OPRM1: variants seen among roughly 807,000 people sequenced by gnomAD.
OPRM1 encodes opioid receptor mu 1, also known as mu-type opioid receptor.
OPRM1 carries 27 observed loss-of-function variants against 31.8 expected under a neutral mutation model. The ratio of observed to expected loss-of-function variants is 0.85; its 90% confidence interval spans 0.63 to 1.17. The LOEUF (loss-of-function observed/expected upper bound fraction) is 1.17, where lower values mean the gene tolerates loss of function less well. Ranked by LOEUF, OPRM1 falls within the 50% of genes most tolerant of loss-of-function variation. OPRM1 has a pLI of 0.00. For synonymous variants in OPRM1, 196 were observed against 189.9 expected, an observed-to-expected ratio of 1.03 and a Z score of -0.26; for missense variants, 536 against 511.1, an observed-to-expected ratio of 1.05 and a Z score of -0.47.
intron 3 of OPRM1, among the ~76,000 whole-genome samples, chr6:154,113,805 G>A (rs936796222): frequency 6.6e-6 from 1 of 152,316 alleles, no homozygotes; most frequent in Middle Eastern, 3.4e-3. Context: ...GCTGCTGCTT[G>A]TCTCTGATGG....
chr6:154,229,525 A>AT (rs369132657), intron 3 of OPRM1, among the ~76,000 whole-genome samples: 11,588 of 140,978 alleles, frequency 0.082, 918 homozygotes, highest in East Asian at 0.44. Context: ...CATTTTTTGT[A>AT]TTTTTTTTTT....
intron 3 of OPRM1, chr6:154,159,882 G>C: frequency 3.1e-6 from 5 of 1,613,170 alleles, no homozygotes; most frequent in South Asian, 1.1e-5. Context: ...GTTCCTGGGG[G>C]GTGTCATCAG....
chr6:154,166,966 C>T (rs1799489367), intron 3 of OPRM1, among the ~76,000 whole-genome samples: 2 of 152,188 alleles, frequency 1.3e-5, no homozygotes, highest in South Asian at 4.2e-4. Context: ...CTTTCTTTTT[C>T]CATTCTGGCC....
intron 3 of OPRM1, among the ~76,000 whole-genome samples, chr6:154,150,253 T>C (rs1798464172): frequency 6.6e-6 from 1 of 152,244 alleles, no homozygotes; most frequent in Non-Finnish European, 1.5e-5. Context: ...ACAACAGGGA[T>C]GGTATATTAA....
rs17181310 is a variant in OPRM1, at chr6:154,117,203, A to G, written c.1165-1480A>G. 9.0e-3 allele frequency among the ~76,000 whole-genome samples: 1,366 copies of G among 152,310 alleles called. 22 individuals are homozygous for G. Among genetic ancestry groups the G allele is most frequent in the African/African-American group, 0.031 (1,293 of 41,552 alleles). On this transcript the variant is annotated intron_variant, in intron 3 of 3. Transcript: ENST00000330432. ...CCCAGGGAGTTCACAAATGTCCCTG[A>G]ATCCAGCTTATGAGTTCTTGCCTTT...
intron 3 of OPRM1, among the ~76,000 whole-genome samples, chr6:154,162,474 G>A (rs1214578486): frequency 1.3e-5 from 2 of 152,178 alleles, no homozygotes; most frequent in East Asian, 3.8e-4. Flanking sequence ...TTAAATCAAT[G>A]TTAAACCAAT....
chr6:154,177,431 C>G (rs745325651), intron 3 of OPRM1, among the ~76,000 whole-genome samples: 1 of 152,052 alleles, frequency 6.6e-6, no homozygotes, highest in Non-Finnish European at 1.5e-5. Flanking sequence ...AGAACATAAA[C>G]AAATTTATAA....
chr6:154,244,872 C>T (rs1423625850), intron 3 of OPRM1, among the ~76,000 whole-genome samples: 4 of 152,192 alleles, frequency 2.6e-5, no homozygotes, highest in East Asian at 1.9e-4. Flanking sequence ...GCTCCATCAG[C>T]GTCCAATCTT....
intron 3 of OPRM1, chr6:154,157,357 AT>A (rs1394179900): frequency 1.3e-5 from 2 of 152,312 alleles, no homozygotes; most frequent in Admixed American, 1.3e-4. Context: ...TGAGCAGGCA[AT>A]GGGGCTCCAG....
intron 3 of OPRM1, among the ~76,000 whole-genome samples, chr6:154,143,564 T>C (rs774013708): frequency 1.3e-5 from 2 of 152,216 alleles, no homozygotes; most frequent in African/African-American, 2.4e-5. Context: ...GAAAGGAGTT[T>C]GGAGACAGAT....
intron 3 of OPRM1, among the ~76,000 whole-genome samples, chr6:154,105,464 A>G (rs564325860): frequency 6.6e-6 from 1 of 152,310 alleles, no homozygotes; most frequent in East Asian, 1.9e-4. Flanking sequence ...CTCTATTCTA[A>G]TGTTACAATT....
chr6:154,049,749 A>C (rs1473889130), intron 1 of OPRM1, among the ~76,000 whole-genome samples: 1 of 152,122 alleles, frequency 6.6e-6, no homozygotes, highest in African/African-American at 2.4e-5. Flanking sequence ...CATATAACTC[A>C]CTCATGAGTC....
intron 1 of OPRM1, among the ~76,000 whole-genome samples, chr6:154,067,166 T>G (rs982287254): frequency 5.9e-5 from 9 of 151,998 alleles, no homozygotes; most frequent in Non-Finnish European, 1.0e-4. Context: ...AGTTTCTATT[T>G]CATTTATCTC....
intron 3 of OPRM1, among the ~76,000 whole-genome samples, chr6:154,118,177 G>A (rs572581052): frequency 6.6e-6 from 1 of 152,110 alleles, no homozygotes; most frequent in African/African-American, 2.4e-5. Flanking sequence ...TTACAGTGGG[G>A]ATCAGGTAGG....
intron 1 of OPRM1, among the ~76,000 whole-genome samples, chr6:154,042,282 C>T (rs1780223732): frequency 6.6e-6 from 1 of 152,148 alleles, no homozygotes; most frequent in Non-Finnish European, 1.5e-5. Flanking sequence ...TAGCTGAGAA[C>T]ATTTAACTGA....
At chr6:154,224,855 C>T (rs1235370665) in intron 3 of OPRM1, among the ~76,000 whole-genome samples, 1 of 152,188 alleles carries the variant, frequency 6.6e-6, no homozygotes, top group Non-Finnish European at 1.5e-5. Flanking sequence ...TGCAGCTTCT[C>T]TCTTGACAGC....
chr6:154,076,331 A>C (rs1197324134), intron 1 of OPRM1, among the ~76,000 whole-genome samples: 7 of 152,332 alleles, frequency 4.6e-5, no homozygotes, highest in African/African-American at 1.7e-4. Flanking sequence ...GCAATCTTTG[A>C]GGAACTATTT....
intron 1 of OPRM1, among the ~76,000 whole-genome samples, chr6:154,057,598 G>A (rs539397299): frequency 7.9e-5 from 12 of 152,242 alleles, no homozygotes; most frequent in Admixed American, 7.9e-4. Context: ...AGTGGAAAAG[G>A]CCTGCGTTCA....
At chr6:154,094,002 G>C (rs933024826) in intron 3 of OPRM1, among the ~76,000 whole-genome samples, 2 of 152,182 alleles carry the variant, frequency 1.3e-5, no homozygotes, top group Non-Finnish European at 2.9e-5. Context: ...GTGATAAACA[G>C]GTGTTTGGTC....
Sources: allele counts gnomAD v4.1 joint callset (sites outside exome capture counted in the v4.1 genomes callset), GRCh38; gene constraint gnomAD v4.1.1; transcripts MANE v1.5; gene names NCBI Gene and HGNC (gene_info 2026-07-23, HGNC 2026-07-21).